KRT36: variants seen among roughly 807,000 people sequenced by gnomAD.
KRT36 encodes the protein keratin 36.
In KRT36, 41 loss-of-function variants were observed where a neutral mutation model predicts 43.0. That is an observed-to-expected ratio of 0.95 (90% CI 0.74 to 1.24). The LOEUF is 1.24. KRT36 is among the 50% of genes most tolerant of loss of function. The probability of loss-of-function intolerance (pLI) is 0.00; values close to 1 mark genes in which losing one functional copy is unlikely to be tolerated. For synonymous variants in KRT36, 277 were observed against 252.9 expected, an observed-to-expected ratio of 1.10 and a Z score of -0.90; for missense variants, 627 against 595.3, an observed-to-expected ratio of 1.05 and a Z score of -0.55.
At position 41,488,356 on chromosome 17, in the gene KRT36, T is replaced by C. The variant is rs895271048; in HGVS notation, c.586A>G (p.Ile196Val). 6.8e-6 allele frequency: 11 copies of C among 1,614,054 alleles called. No individual in the cohort carries two copies. The highest frequency in any genetic ancestry group is 9.3e-6 in the Non-Finnish European group (11 of 1,180,016). The change falls in exon 3 of 7, where the codon ATC becomes GTC. Residue 196 changes from isoleucine (I) to valine (V), a missense_variant. By Grantham distance (29) the Ile-to-Val change is conservative (BLOSUM62 3). Transcript: ENST00000328119. ...TCCAGGATCCTACGCAGGCCGTTGA[T>C]GTCGGCCTCCACTAGCTGCCGCAGA... Reference protein sequence around the residue: ...LSLRQLVEADINGLRRILDEL... With the variant: ...LSLRQLVEADVNGLRRILDEL...
At chr17:41,487,805 G>A (rs2301353) in intron 3 of KRT36, 68 bp from the exon 4 acceptor site, 1,088,981 of 1,483,308 alleles carry the variant, frequency 0.73, 401,047 homozygotes, top group South Asian at 0.87. Flanking sequence ...TCAATGACCT[G>A]AATTCAAACC....
rs746883829 is a variant in KRT36, at chr17:41,489,625, G to A, written c.240C>T (p.Ser80=). 5.0e-6 allele frequency: 8 copies of A among 1,614,094 alleles called. No homozygotes were observed. Among genetic ancestry groups the A allele is most frequent in the Admixed American group, 1.7e-5 (1 of 60,014 alleles). ...AGGAGCCCTCGCAGAACCAGCCCCC[G>A]CTCCCCACAAAGCCAGAGGTGTGGC... ...SECHTSGFVG[S]GGWFCEGSFN... Residue 80 remains serine (S), a synonymous_variant, in exon 1 of 7, where the codon AGC becomes AGT. Coordinates refer to ENST00000328119, the MANE Select transcript of KRT36 (RefSeq NM_003771.5).
chr17:41,486,136 T>A lies in KRT36; in HGVS notation c.*240A>T. 2.0e-6 allele frequency: 1 copy of A among 505,502 alleles called. No homozygotes were observed. The highest frequency in any genetic ancestry group is 3.5e-6 in the Non-Finnish European group (1 of 283,910). 31.3% of individuals were successfully genotyped at this position (505,502 alleles called of 1,614,324 possible). ...TGAGCATCAACAGAGTCAGCCAGGG[T>A]TGAGTTTGCTATGCCAGGAGAACAC... is the stretch of plus-strand genomic sequence containing the variant. On this transcript the variant is annotated 3_prime_UTR_variant, in exon 7 of 7. Transcript: ENST00000328119.
Position 41,488,347 on chromosome 17 carries a change from G to T in KRT36, c.595C>A (p.Leu199Met), listed in dbSNP as rs145715749. 13 of 1,614,152 alleles carry T rather than the reference G, an allele frequency of 8.1e-6. No homozygotes were observed. The Admixed American group carries it at 2.2e-4, about 27-fold the overall frequency. Reference protein sequence around the residue: ...RQLVEADINGLRRILDELTLC... With the variant: ...RQLVEADINGMRRILDELTLC... ...GTCAGCTCATCCAGGATCCTACGCAGGCCGTTGATGTCGGCCTCCACTAGC... is the reference window on the plus strand; with the variant it reads ...GTCAGCTCATCCAGGATCCTACGCATGCCGTTGATGTCGGCCTCCACTAGC... The change falls in exon 3 of 7, where the codon CTG (leucine) becomes ATG (methionine). Residue 199 changes from leucine (L) to methionine (M), a missense_variant. By Grantham distance (15) the Leu-to-Met change is conservative. Coordinates refer to ENST00000328119, the MANE Select transcript of KRT36 (RefSeq NM_003771.5).
At position 41,488,262 on chromosome 17, in the gene KRT36, A is replaced by G; in HGVS notation, c.680T>C (p.Leu227Pro). ...CCTCACCTCCTCGTGATTCTTCTTG[A>G]GGCACATCAGCTCCTCCTTCAGGGA... Reference protein sequence around the residue: ...VESLKEELMCLKKNHEEEVSV... With the variant: ...VESLKEELMCPKKNHEEEVSV... Residue 227 changes from leucine to proline, a missense_variant, in exon 3 of 7, where the codon CTC (leucine) becomes CCC (proline). Leu to Pro is a moderately conservative substitution (Grantham distance 98). Coordinates refer to ENST00000328119, the MANE Select transcript of KRT36 (RefSeq NM_003771.5). 4 of 1,613,950 alleles carry G rather than the reference A, an allele frequency of 2.5e-6. No homozygotes were observed. Among genetic ancestry groups the G allele is most frequent in the Non-Finnish European group, 3.4e-6 (4 of 1,179,910 alleles).
At chr17:41,486,683 T>TG in intron 6 of KRT36, 112 bp from the exon 7 acceptor site, 1 of 853,386 alleles carries the variant, frequency 1.2e-6, no homozygotes, top group Non-Finnish European at 1.8e-6. Context: ...ATCATCTCAG[T>TG]GCCTCTGAAT....
In KRT36 at chr17:41,486,407, G is replaced by C; in HGVS notation, c.1373C>G (p.Ser458Cys). The C allele has an allele frequency of 6.3e-7, 1 of 1,577,766 alleles. No homozygotes were observed. The change falls in exon 7 of 7, where the codon TCC becomes TGC. Residue 458 changes from serine (S) to cysteine (C), a missense_variant. Physicochemically the swap from Ser to Cys is moderately radical, Grantham distance 112. Transcript: ENST00000328119. ...EEIRDGKVIS[S>C]REHVQSRPL The stretch of plus-strand genomic sequence containing the variant: ...CGGGCGGGACTGCACGTGCTCCCTG[G>C]AGGAGATGACTTTCCCATCTCTGAT...
At position 41,489,857 on chromosome 17, in the gene KRT36, G is replaced by A. The variant is rs751470845; in HGVS notation, c.8C>T (p.Thr3Ile). Residue 3 changes from threonine (T) to isoleucine (I), a missense_variant, in exon 1 of 7, where the codon ACC (threonine) becomes ATC (isoleucine). By Grantham distance (89) the Thr-to-Ile change is moderately conservative. Transcript: ENST00000328119. MA[T>I]QTCTPTFSTG... ...GGAGAAGGTAGGGGTGCAGGTCTGG[G>A]TGGCCATGGTGCTAGCAGAGGAAGG... The A allele has an allele frequency of 1.2e-6, 2 of 1,611,434 alleles. No homozygotes were observed. The highest frequency in any genetic ancestry group is 1.7e-5 in the Admixed American group (1 of 59,976).
rs751928634 is a variant in KRT36 at position 41,487,487 on chromosome 17, T to C, written c.862-11A>G. 7.4e-6 allele frequency: 12 copies of C among 1,613,944 alleles called. No individual in the cohort carries two copies. In the South Asian group the frequency reaches 1.1e-4, roughly 15 times the overall value. On this transcript the variant is annotated splice_polypyrimidine_tract_variant and intron_variant, in intron 4 of 6. Transcript: ENST00000328119. ...GTTCAGCTCCTCAGTCTGAAACACA[T>C]GCCAGGGCCCAGAGCATGGTCAAAC...
Position 41,486,288 on chromosome 17 carries a change from G to C in KRT36, c.*88C>G. On this transcript the variant is annotated 3_prime_UTR_variant, in exon 7 of 7. Coordinates refer to ENST00000328119, the MANE Select transcript of KRT36 (RefSeq NM_003771.5). ...CTAAGCGTAGGGGGACCCCTCTAGA[G>C]AAGGGCAGGGTCGTTAAGCCTCCAG... 1 of 1,102,954 alleles carries C rather than the reference G, an allele frequency of 9.1e-7. No homozygotes were observed. Among genetic ancestry groups the C allele is most frequent in the Non-Finnish European group, 1.3e-6 (1 of 753,214 alleles). 68.3% of individuals were successfully genotyped at this position (1,102,954 alleles called of 1,614,324 possible). A position where few individuals can be genotyped will look rare whatever the true frequency, so the allele number is the denominator to read the frequency against.
Position 41,488,654 on chromosome 17 carries a change from T to C in KRT36, c.530A>G (p.Asp177Gly). 6.2e-7 allele frequency: 1 copy of C among 1,614,074 alleles called. No individual in the cohort carries two copies. The highest frequency in any genetic ancestry group is 8.5e-7 in the Non-Finnish European group (1 of 1,179,990). The change falls in exon 2 of 7, where the codon GAC becomes GGC. Residue 177 changes from aspartate (D) to glycine (G), a missense_variant. Physicochemically the swap from Asp to Gly is moderately conservative, Grantham distance 94. Coordinates refer to ENST00000328119, the MANE Select transcript of KRT36 (RefSeq NM_003771.5). ...CAGGCCCACTCACTTGGTCCGGAAG[T>C]CGTCAGCAGCCAGCTTGGCATTATC... is the stretch of plus-strand genomic sequence containing the variant. ...QIDNAKLAAD[D>G]FRTKYETELS...
In KRT36 at chr17:41,486,525, C is replaced by T. The variant is rs751241145; in HGVS notation, c.1255G>A (p.Val419Ile). 2.5e-6 allele frequency: 4 copies of T among 1,605,146 alleles called. No individual in the cohort carries two copies. The highest frequency in any genetic ancestry group is 1.3e-5 in the African/African-American group (1 of 74,538). Residue 419 changes from valine (V) to isoleucine (I), a missense_variant, in exon 7 of 7, where the codon GTT (valine) becomes ATT (isoleucine). Transcript: ENST00000328119. The stretch of plus-strand genomic sequence containing the variant: ...CAGGGCACCGGGGGGACAGAAGGAA[C>T]TCTAATAACAGGCTTGCATGCCGTG... Reference protein sequence around the residue: ...CATACKPVIRVPSVPPVPCVP... With the variant: ...CATACKPVIRIPSVPPVPCVP...
rs1904503762 is a variant in KRT36 at position 41,489,544 on chromosome 17, G to A, written c.321C>T (p.Tyr107=). 6 of 1,614,174 alleles carry A rather than the reference G, an allele frequency of 3.7e-6. No individual in the cohort carries two copies. The highest frequency in any genetic ancestry group is 5.1e-6 in the Non-Finnish European group (6 of 1,180,042). Reference sequence around the variant, plus strand: ...GCTCCAGCTGACGCACCTTCTCCAGGTAGTTGGCCAGGCGGTCGTTCAGGA... The same window carrying A: ...GCTCCAGCTGACGCACCTTCTCCAGATAGTTGGCCAGGCGGTCGTTCAGGA... ...MQFLNDRLAN[Y]LEKVRQLERE... Residue 107 remains tyrosine, a synonymous_variant, in exon 1 of 7, where the codon TAC becomes TAT. Coordinates refer to ENST00000328119, the MANE Select transcript of KRT36 (RefSeq NM_003771.5).
Position 41,489,531 on chromosome 17 carries a change from G to C in KRT36, c.334C>G (p.Arg112Gly). 1.2e-6 allele frequency: 2 copies of C among 1,614,166 alleles called. No homozygotes were observed. Among genetic ancestry groups the C allele is most frequent in the Non-Finnish European group, 1.7e-6 (2 of 1,180,028 alleles). ...DRLANYLEKV[R>G]QLERENAELE... is the part of the protein sequence containing the mutation. ...TCCGCGTTCTCCCGCTCCAGCTGAC[G>C]CACCTTCTCCAGGTAGTTGGCCAGG... The change falls in exon 1 of 7, where the codon CGT becomes GGT. Residue 112 changes from arginine (R) to glycine (G), a missense_variant. Coordinates refer to ENST00000328119, the MANE Select transcript of KRT36 (RefSeq NM_003771.5).
At position 41,487,102 on chromosome 17, in the gene KRT36, C is replaced by T; in HGVS notation, c.1056G>A (p.Gln352=). The T allele has an allele frequency of 6.2e-7, 1 of 1,614,256 alleles. No homozygotes were observed. The highest frequency in any genetic ancestry group is 8.5e-7 in the Non-Finnish European group (1 of 1,180,032). Reference sequence around the variant, plus strand: ...GGGCCTCCACGTTGCTGATCAGGCACTGCATCTGGGCCAGCTGGGAGCTGT... The same window carrying T: ...GGGCCTCCACGTTGCTGATCAGGCATTGCATCTGGGCCAGCTGGGAGCTGT... ...ARYSSQLAQM[Q]CLISNVEAQL... Residue 352 remains glutamine, a synonymous_variant, in exon 6 of 7, where the codon CAG becomes CAA. Transcript: ENST00000328119.
Position 41,487,664 on chromosome 17 carries a change from A to C in KRT36, c.773T>G (p.Leu258Arg), listed in dbSNP as rs1248053044. 2 of 1,614,166 alleles carry C rather than the reference A, an allele frequency of 1.2e-6. No homozygotes were observed. The highest frequency in any genetic ancestry group is 1.7e-6 in the Non-Finnish European group (2 of 1,180,010). Reference protein sequence around the residue: ...VEVDAAPPVDLNKILEDMRCQ... With the variant: ...VEVDAAPPVDRNKILEDMRCQ... ...TCTCATATCCTCCAGGATCTTGTTG[A>C]GATCCACTGGGGGAGCAGCGTCCAC... is the stretch of plus-strand genomic sequence containing the variant. The change falls in exon 4 of 7, where the codon CTC becomes CGC. Residue 258 changes from leucine (L) to arginine (R), a missense_variant. Coordinates refer to ENST00000328119, the MANE Select transcript of KRT36 (RefSeq NM_003771.5).
In KRT36 at chr17:41,486,362, G is replaced by A. The variant is rs554181711; in HGVS notation, c.*14C>T. ...CTGTGGTCAGGGCCCTGCCCTGGTG[G>A]ACCAAGTGGGCTGTCACAGCGGGCG... On this transcript the variant is annotated 3_prime_UTR_variant, in exon 7 of 7. Transcript: ENST00000328119. 722 of 1,612,030 alleles carry A rather than the reference G, an allele frequency of 4.5e-4. 6 individuals carry two copies. The South Asian group carries it at 7.5e-3, about 17-fold the overall frequency.
Position 41,487,168 on chromosome 17 carries a change from C to A in KRT36, c.990G>T (p.Arg330=), listed in dbSNP as rs756378423. The A allele has an allele frequency of 2.2e-5, 35 of 1,611,482 alleles. No individual in the cohort carries two copies. The highest frequency in any genetic ancestry group is 3.0e-5 in the Non-Finnish European group (35 of 1,178,208). ...CGGCCAGGGTGGATTCCAAGGAATT[C>A]CGCTGCAATGGGAAAGAGGAAGAGC... ...EIELQAQHSM[R]NSLESTLAET... Residue 330 remains arginine (R), a splice_region_variant and synonymous_variant, in exon 6 of 7, where the codon CGG becomes CGT. Coordinates refer to ENST00000328119, the MANE Select transcript of KRT36 (RefSeq NM_003771.5).
In KRT36 at chr17:41,488,291, C is replaced by T. The variant is rs781588351; in HGVS notation, c.651G>A (p.Val217=). The change falls in exon 3 of 7, where the codon GTG becomes GTA. Residue 217 remains valine (V), a synonymous_variant. Coordinates refer to ENST00000328119, the MANE Select transcript of KRT36 (RefSeq NM_003771.5). ...TLCKADLEAQ[V]ESLKEELMCL... is the part of the protein sequence containing the mutation. ...ACATCAGCTCCTCCTTCAGGGACTC[C>T]ACCTGAGCCTCCAGGTCAGCCTTGC... is the stretch of plus-strand genomic sequence containing the variant. 6.2e-7 allele frequency: 1 copy of T among 1,614,180 alleles called. No homozygotes were observed. Among genetic ancestry groups the T allele is most frequent in the South Asian group, 1.1e-5 (1 of 91,088 alleles).
Sources: gnomAD v4.1 joint callset for allele counts on GRCh38, gnomAD v4.1.1 for gene constraint, MANE v1.5 for transcripts, NCBI Gene and HGNC (gene_info 2026-07-23, HGNC 2026-07-21) for gene names.